RALGAPB: variants seen among roughly 807,000 people sequenced by gnomAD.
RALGAPB encodes ral GTPase-activating protein subunit beta.
In RALGAPB, 25 loss-of-function variants were observed where a neutral mutation model predicts 161.1. The ratio of observed to expected loss-of-function variants is 0.16; its 90% confidence interval spans 0.11 to 0.22. RALGAPB has a LOEUF of 0.22. Ranked by LOEUF, RALGAPB falls within the 10% of genes least tolerant of loss-of-function variation. The pLI, the probability that RALGAPB is intolerant of heterozygous loss-of-function variation, is 1.00. For synonymous variants in RALGAPB, 629 were observed against 626.1 expected (o/e 1.00, Z -0.07); for missense variants, 1,391 against 1,815.2 (o/e 0.77, Z 4.25).
intron 21 of RALGAPB, among the ~76,000 whole-genome samples, chr20:38,551,543 T>A (rs1283782475): frequency 1.3e-5 from 2 of 152,188 alleles, no homozygotes; most frequent in Non-Finnish European, 2.9e-5. Context: ...AATCTAAGTC[T>A]TTATAAGAAA....
At position 38,516,285 on chromosome 20, in the gene RALGAPB, G is replaced by C. The variant is rs1462118665; in HGVS notation, c.966G>C (p.Leu322Phe). The C allele has an allele frequency of 6.2e-7, 1 of 1,613,798 alleles. No homozygotes were observed. Among genetic ancestry groups the C allele is most frequent in the African/African-American group, 1.3e-5 (1 of 74,940 alleles). Reference protein sequence around the residue: ...FLNVSGMPQELNQYPCLKHLP... With the variant: ...FLNVSGMPQEFNQYPCLKHLP... ...ATGTGAGCGGAATGCCGCAAGAATT[G>C]AATCAGTATCCCTGCCTTAAACATC... The change falls in exon 7 of 30, where the codon TTG becomes TTC. Residue 322 changes from leucine to phenylalanine, a missense_variant. Around this residue, in one of 3 missense-constraint regions of RALGAPB, gnomAD observed 946 missense variants for 1,257.2 expected, o/e 0.75. Coordinates refer to ENST00000262879, the MANE Select transcript of RALGAPB (RefSeq NM_020336.4).
Position 38,534,724 on chromosome 20 carries a change from A to G in RALGAPB, c.2246-350A>G, listed in dbSNP as rs117862397. On this transcript the variant is annotated intron_variant, in intron 15 of 29. Transcript: ENST00000262879. ...TTCCTCTGTAAAGTTTCAAGGAAAT[A>G]ATTGATAGCCTTTTCATCACTCTTT... Among the ~76,000 whole-genome samples the G allele has an allele frequency of 2.2e-4, 33 of 152,332 alleles. No individual in the cohort carries two copies. The East Asian group carries it at 6.4e-3, about 29-fold the overall frequency.
At position 38,524,816 on chromosome 20, in the gene RALGAPB, A is replaced by G. The variant is rs2086408952; in HGVS notation, c.1658A>G (p.Asp553Gly). ...MLLIQGLQIN[D>G]YVCHPVLASV... ...TTAATTCAAGGTTTGCAGATAAATGATTATGTGTGCCATCCTGTCTTGGCC... is the reference window on the plus strand; with the variant it reads ...TTAATTCAAGGTTTGCAGATAAATGGTTATGTGTGCCATCCTGTCTTGGCC... The change falls in exon 11 of 30, where the codon GAT (aspartate) becomes GGT (glycine). Residue 553 changes from aspartate to glycine, a missense_variant. This residue lies in a region of RALGAPB where 946 missense variants were observed against 1,257.2 expected (regional missense o/e 0.75). Transcript: ENST00000262879. 4.3e-6 allele frequency: 7 copies of G among 1,610,334 alleles called. No homozygotes were observed. The East Asian group carries it at 1.6e-4, about 36-fold the overall frequency.
chr20:38,494,430 A>G (rs1349888053), intron 3 of RALGAPB, among the ~76,000 whole-genome samples: 1 of 152,226 alleles, frequency 6.6e-6, no homozygotes, highest in Non-Finnish European at 1.5e-5. Flanking sequence ...CAGGAGTTCC[A>G]GACCAGCCTG....
At chr20:38,544,405 T>C (rs927469171) in intron 18 of RALGAPB, among the ~76,000 whole-genome samples, 5 of 152,144 alleles carry the variant, frequency 3.3e-5, no homozygotes, top group African/African-American at 4.8e-5. Context: ...CTGGTTATTC[T>C]CAACTGGCAT....
Position 38,553,985 on chromosome 20 carries a change from C to T in RALGAPB, c.3281C>T (p.Thr1094Met), listed in dbSNP as rs761192665. The change falls in exon 22 of 30, where the codon ACG becomes ATG. Residue 1094 changes from threonine to methionine, a missense_variant. By Grantham distance (81) the Thr-to-Met change is moderately conservative. Coordinates refer to ENST00000262879, the MANE Select transcript of RALGAPB (RefSeq NM_020336.4). ...AAGAGAAGTTTTCCTGACCCAGTTA[C>T]GGATTGCAAGCCCCCGCCTCCTGCC... ...LQKRSFPDPV[T>M]DCKPPPPAQE... 4 of 1,613,684 alleles carry T rather than the reference C, an allele frequency of 2.5e-6. No individual in the cohort carries two copies. The highest frequency in any genetic ancestry group is 1.7e-5 in the Admixed American group (1 of 59,976).
rs2086431931 is a variant in RALGAPB at position 38,525,493 on chromosome 20, A to C, written c.1877A>C (p.His626Pro). 1 of 1,607,202 alleles carries C rather than the reference A, an allele frequency of 6.2e-7. No homozygotes were observed. The highest frequency in any genetic ancestry group is 1.3e-5 in the African/African-American group (1 of 74,650). ...NILLSLLPLP[H>P]HFGTVKSEVV... ...CTGCTTTCTTTGTTGCCCCTCCCTC[A>C]TCATTTTGGCACAGTCAAATCTGAG... The change falls in exon 12 of 30, where the codon CAT (histidine) becomes CCT (proline). Residue 626 changes from histidine to proline, a missense_variant. His to Pro is a moderately conservative substitution (Grantham distance 77, BLOSUM62 -2). This residue lies in a region of RALGAPB where 946 missense variants were observed against 1,257.2 expected (regional missense o/e 0.75). Transcript: ENST00000262879.
chr20:38,488,413 G>T lies in RALGAPB; in HGVS notation c.-20G>T, dbSNP rs185677906. The T allele has an allele frequency of 1.3e-6, 2 of 1,593,344 alleles. No individual in the cohort carries two copies. The highest frequency in any genetic ancestry group is 1.3e-5 in the African/African-American group (1 of 74,546). ...GTTTTGTCTTTTCAGGTGCCATTTG[G>T]ATTGTACTTTAGTGGCACGATGTAC... is the stretch of plus-strand genomic sequence containing the variant. On this transcript the variant is annotated 5_prime_UTR_variant, in exon 2 of 30. Coordinates refer to ENST00000262879, the MANE Select transcript of RALGAPB (RefSeq NM_020336.4).
chr20:38,573,962 TA>T, intron 28 of RALGAPB, 187 bp from the exon 29 acceptor site: 1 of 447,212 alleles, frequency 2.2e-6, no homozygotes, highest in East Asian at 3.6e-5. Flanking sequence ...CCAGATGTTA[TA>T]GGGGGTAGCA....
intron 1 of RALGAPB, among the ~76,000 whole-genome samples, chr20:38,480,385 CT>C (rs71189925): frequency 9.9e-4 from 128 of 128,754 alleles, no homozygotes; most frequent in Middle Eastern, 8.0e-3. Context: ...TTCTTTCTTT[CT>C]TTTTTTTTTT....
chr20:38,482,790 T>C (rs1426733643), intron 1 of RALGAPB, among the ~76,000 whole-genome samples: 1 of 152,236 alleles, frequency 6.6e-6, no homozygotes, highest in Non-Finnish European at 1.5e-5. Flanking sequence ...AGTTATTTAT[T>C]GATTGCTTAC....
chr20:38,553,371 G>C (rs1424089521), intron 21 of RALGAPB, among the ~76,000 whole-genome samples: 1 of 152,140 alleles, frequency 6.6e-6, no homozygotes, highest in Non-Finnish European at 1.5e-5. Flanking sequence ...GAGCACGTCA[G>C]GGTGAAGATG....
At position 38,531,108 on chromosome 20, in the gene RALGAPB, T is replaced by G. The variant is rs1449782122; in HGVS notation, c.2051-59T>G. 7 of 1,374,490 alleles carry G rather than the reference T, an allele frequency of 5.1e-6. No homozygotes were observed. The East Asian group carries it at 1.6e-4, about 32-fold the overall frequency. The allele number at this position is 1,374,490 out of a possible 1,614,324, so 85.1% of individuals were successfully genotyped here. A position where few individuals can be genotyped will look rare whatever the true frequency, so the allele number is the denominator to read the frequency against. ...TGTACTATTAATCATATAAAATGTC[T>G]TACGCATTTTAGTGTTCTTGTGTAT... On this transcript the variant is annotated intron_variant, in intron 13 of 29. Coordinates refer to ENST00000262879, the MANE Select transcript of RALGAPB (RefSeq NM_020336.4).
chr20:38,495,325 G>A (rs2085394285), intron 3 of RALGAPB, among the ~76,000 whole-genome samples: 1 of 151,920 alleles, frequency 6.6e-6, no homozygotes, highest in African/African-American at 2.4e-5. Context: ...TGAGTGAAGA[G>A]TAAATCATCT....
At chr20:38,480,722 C>G (rs1215878586) in intron 1 of RALGAPB, among the ~76,000 whole-genome samples, 1 of 118,042 alleles carries the variant, frequency 8.5e-6, no homozygotes, top group African/African-American at 3.1e-5. Context: ...TTATCTGTGA[C>G]TCCCCCACCC....
intron 2 of RALGAPB, among the ~76,000 whole-genome samples, chr20:38,489,124 G>A (rs975431300): frequency 1.3e-5 from 2 of 152,114 alleles, no homozygotes; most frequent in African/African-American, 4.8e-5. Context: ...TAAGAGTGCT[G>A]CAGAGAAGCC....
intron 5 of RALGAPB, among the ~76,000 whole-genome samples, chr20:38,504,482 A>T (rs1356016716): frequency 6.6e-6 from 1 of 152,208 alleles, no homozygotes. Context: ...TAAGAATACT[A>T]GAAGAAAACC....
At chr20:38,518,728 C>G (rs2086205239) in intron 9 of RALGAPB, among the ~76,000 whole-genome samples, 1 of 152,106 alleles carries the variant, frequency 6.6e-6, no homozygotes, top group African/African-American at 2.4e-5. Context: ...TGAAAAATGA[C>G]AATGGCTGGC....
intron 21 of RALGAPB, among the ~76,000 whole-genome samples, chr20:38,552,464 A>G (rs1223343637): frequency 6.6e-6 from 1 of 152,128 alleles, no homozygotes; most frequent in East Asian, 1.9e-4. Context: ...TAGTTTTTAA[A>G]TATTTTTTTA....
Sources: gnomAD v4.1 joint callset for allele counts (sites outside exome capture counted in the v4.1 genomes callset) on GRCh38, gnomAD v4.1.1 for gene constraint, gnomAD v4.1.1 regional missense constraint, MANE v1.5 for transcripts, NCBI Gene and HGNC (gene_info 2026-07-23, HGNC 2026-07-21) for gene names.